Variants in SLC24A2 observed in about 807,000 individuals in gnomAD.
The protein encoded by SLC24A2 is solute carrier family 24 member 2, also known as sodium/potassium/calcium exchanger 2.
In SLC24A2, 36 loss-of-function variants were observed where a neutral mutation model predicts 62.0. The ratio of observed to expected loss-of-function variants is 0.58; its 90% confidence interval spans 0.44 to 0.77. The LOEUF is 0.77. SLC24A2 is among the 30% of genes least tolerant of loss of function. The pLI is 0.00. For synonymous variants in SLC24A2, 358 were observed against 294.0 expected, an observed-to-expected ratio of 1.22 and a Z score of -2.23; for missense variants, 846 against 817.9, an observed-to-expected ratio of 1.03 and a Z score of -0.42.
chr9:19,567,837 CT>C (rs1172403981), intron 7 of SLC24A2, among the ~76,000 whole-genome samples: 1 of 152,064 alleles, frequency 6.6e-6, no homozygotes, highest in Non-Finnish European at 1.5e-5. Flanking sequence ...CATATTATTT[CT>C]TGGTTCCACA....
chr9:20,270,486 C>G, the SLC24A2 span, among the ~76,000 whole-genome samples: 16 of 152,132 alleles, frequency 1.1e-4, no homozygotes, highest in Non-Finnish European at 2.4e-4. Flanking sequence ...GCAACCCATC[C>G]CCACCATCAA....
the SLC24A2 span, among the ~76,000 whole-genome samples, chr9:20,123,855 G>A: frequency 6.6e-6 from 1 of 152,148 alleles, no homozygotes; most frequent in Non-Finnish European, 1.5e-5. Flanking sequence ...CTATCTTCCA[G>A]TTGAGCTTGA....
the SLC24A2 span, among the ~76,000 whole-genome samples, chr9:19,983,792 T>C: frequency 2.0e-5 from 3 of 152,080 alleles, no homozygotes; most frequent in South Asian, 2.1e-4. Context: ...AATATAACAC[T>C]AGAATTTTAA....
the SLC24A2 span, among the ~76,000 whole-genome samples, chr9:20,261,602 C>T: frequency 1.2e-4 from 18 of 152,072 alleles, no homozygotes; most frequent in Admixed American, 4.6e-4. Context: ...GTTTCCAACA[C>T]GTGAATTTTG....
At chr9:20,299,805 A>G in the SLC24A2 span, among the ~76,000 whole-genome samples, 1 of 152,262 alleles carries the variant, frequency 6.6e-6, no homozygotes, top group Non-Finnish European at 1.5e-5. Context: ...ACAGATATCC[A>G]TAAGTGGCAG....
the SLC24A2 span, among the ~76,000 whole-genome samples, chr9:20,068,677 T>C: frequency 7.2e-5 from 11 of 152,288 alleles, 1 homozygote; most frequent in Middle Eastern, 6.8e-3. Context: ...TTGGGGGTGC[T>C]GGATGATGTC....
the SLC24A2 span, among the ~76,000 whole-genome samples, chr9:19,902,189 C>T: frequency 6.6e-6 from 1 of 152,126 alleles, no homozygotes; most frequent in African/African-American, 2.4e-5. Flanking sequence ...TATAATGAGA[C>T]GTGTCTCACC....
chr9:19,919,807 G>T, the SLC24A2 span, among the ~76,000 whole-genome samples: 1 of 152,030 alleles, frequency 6.6e-6, no homozygotes, highest in Non-Finnish European at 1.5e-5. Context: ...TAAAACCATC[G>T]TATCTCATGA....
At chr9:20,227,986 A>T in the SLC24A2 span, among the ~76,000 whole-genome samples, 1 of 152,156 alleles carries the variant, frequency 6.6e-6, no homozygotes, top group African/African-American at 2.4e-5. Context: ...TCCAGAATAG[A>T]ATCTTCATTT....
chr9:19,942,135 A>C, the SLC24A2 span, among the ~76,000 whole-genome samples: 1 of 152,160 alleles, frequency 6.6e-6, no homozygotes, highest in Non-Finnish European at 1.5e-5. Context: ...CATTTTGTCA[A>C]CCCTCTGAGA....
At chr9:19,659,071 T>C (rs752409994) in intron 2 of SLC24A2, among the ~76,000 whole-genome samples, 1 of 152,290 alleles carries the variant, frequency 6.6e-6, no homozygotes, top group Non-Finnish European at 1.5e-5. Context: ...AACAGGATTG[T>C]TGCAGATGTA....
At chr9:20,205,034 T>G in the SLC24A2 span, among the ~76,000 whole-genome samples, 3 of 152,070 alleles carry the variant, frequency 2.0e-5, no homozygotes, top group African/African-American at 2.4e-5. Context: ...CGTGAGCCAC[T>G]GCACCCAGCC....
At chr9:19,586,534 GT>G (rs1836376071) in intron 5 of SLC24A2, among the ~76,000 whole-genome samples, 3 of 87,076 alleles carry the variant, frequency 3.4e-5, no homozygotes, top group Admixed American at 3.3e-4. Flanking sequence ...CTGTGGTTAA[GT>G]TAAGTTTCCA....
chr9:19,913,717 G>A, the SLC24A2 span, among the ~76,000 whole-genome samples: 1 of 151,978 alleles, frequency 6.6e-6, no homozygotes, highest in African/African-American at 2.4e-5. Context: ...TTTATGCCAG[G>A]AACTTTGCTA....
chr9:20,079,946 A>AAAGGG, the SLC24A2 span, among the ~76,000 whole-genome samples: 1 of 152,218 alleles, frequency 6.6e-6, no homozygotes, highest in East Asian at 1.9e-4. Flanking sequence ...TTCAAGGAGA[A>AAAGGG]TTACAAACCA....
intron 2 of SLC24A2, among the ~76,000 whole-genome samples, chr9:19,647,064 G>GCACACACACACA (rs1227341512): frequency 1.2e-4 from 3 of 25,186 alleles, no homozygotes; most frequent in African/African-American, 6.6e-4. Flanking sequence ...ACACACACAC[G>GCACACACACACA]CGCGCACACA....
At chr9:20,041,969 C>T in the SLC24A2 span, among the ~76,000 whole-genome samples, 217 of 152,334 alleles carry the variant, frequency 1.4e-3, 2 homozygotes, top group African/African-American at 4.8e-3. Flanking sequence ...GCACTGTGGC[C>T]GCAGCAGCTA....
the SLC24A2 span, among the ~76,000 whole-genome samples, chr9:20,286,564 CTA>C: frequency 6.6e-6 from 1 of 152,188 alleles, no homozygotes; most frequent in African/African-American, 2.4e-5. Flanking sequence ...TTAGATTGCT[CTA>C]TGTTATGCTG....
chr9:19,789,553 A>C (rs990013843), upstream of SLC24A2, among the ~76,000 whole-genome samples: 1 of 152,168 alleles, frequency 6.6e-6, no homozygotes, highest in Non-Finnish European at 1.5e-5. Flanking sequence ...CTTTCATTTC[A>C]TGGGTGATGA....
Sources: gnomAD v4.1 joint callset for allele counts (sites outside exome capture counted in the v4.1 genomes callset) on GRCh38, gnomAD v4.1.1 for gene constraint, MANE v1.5 for transcripts, NCBI Gene and HGNC (gene_info 2026-07-23, HGNC 2026-07-21) for gene names.